PSG1: variants seen among roughly 807,000 people sequenced by gnomAD.
The protein encoded by PSG1 is pregnancy-specific beta-1-glycoprotein 1.
In PSG1, 60 loss-of-function variants were observed where a neutral mutation model predicts 41.4. The ratio of observed to expected loss-of-function variants is 1.45; its 90% CI spans 1.18 to 1.80. PSG1 has a LOEUF of 1.80. Ranked by LOEUF, PSG1 falls within the 40% of genes most tolerant of loss-of-function variation. The pLI is 0.00. For synonymous variants in PSG1, 256 were observed against 192.9 expected (o/e 1.33, Z -2.71); for missense variants, 806 against 516.9 (o/e 1.56, Z -5.42).
At position 42,868,994 on chromosome 19, in the gene PSG1, G is replaced by A. The variant is rs772244058; in HGVS notation, c.750C>T (p.Asn250=). 7 of 1,610,146 alleles carry A rather than the reference G, an allele frequency of 4.3e-6. No individual in the cohort carries two copies. The East Asian group carries it at 1.6e-4, about 36-fold the overall frequency. ...TTAAGACATCCTTATTCTCCCTGGGGTTTAAGTTGTTGATGGTGATGTAGG... is the reference window on the plus strand; with the variant it reads ...TTAAGACATCCTTATTCTCCCTGGGATTTAAGTTGTTGATGGTGATGTAGG... ...PKPYITINNL[N]PRENKDVLNF... Residue 250 remains asparagine, a synonymous_variant, in exon 4 of 6, where the codon AAC becomes AAT. Coordinates refer to ENST00000436291, the MANE Select transcript of PSG1 (RefSeq NM_001184825.2).
At position 42,877,915 on chromosome 19, in the gene PSG1, T is replaced by C. The variant is rs750665927; in HGVS notation, c.428A>G (p.His143Arg). The change falls in exon 2 of 6, where the codon CAC becomes CGC. Residue 143 changes from histidine to arginine, a missense_variant and splice_region_variant. By Grantham distance (29) the His-to-Arg change is conservative. Transcript: ENST00000436291. ...AGGGATCATGTGGAATCACTTACGG[T>C]GTAAGGTGAAGGTGAAACGTCCAGT... is the stretch of plus-strand genomic sequence containing the variant. ...GVTGRFTFTL[H>R]LETPKPSISS... 1.2e-6 allele frequency: 2 copies of C among 1,612,026 alleles called. No individual in the cohort carries two copies.
At chr19:42,874,020 C>G (rs1971501935) in intron 2 of PSG1, 1 of 151,612 alleles carries the variant, frequency 6.6e-6, no homozygotes, top group Non-Finnish European at 1.5e-5. Flanking sequence ...CATGAGGAAA[C>G]AGTTATAGGT....
At position 42,876,733 on chromosome 19, in the gene PSG1, T is replaced by C. The variant is rs930275019; in HGVS notation, c.430+1180A>G. On this transcript the variant is annotated intron_variant, in intron 2 of 5. Coordinates refer to ENST00000436291, the MANE Select transcript of PSG1 (RefSeq NM_001184825.2). ...AGGAGGCCTGGACATTTTTTTGCAC[T>C]GACTCTGATGGTTGAAGCAGGTGAT... The C allele has an allele frequency of 2.4e-5, 4 of 167,326 alleles. 1 individual carries two copies. The highest frequency in any genetic ancestry group is 9.6e-5 in the African/African-American group (4 of 41,468). The allele number at this position is 167,326 out of a possible 1,614,324, so 10.4% of individuals were successfully genotyped here.
chr19:42,867,727 T>C, intron 5 of PSG1: 1 of 854,144 alleles, frequency 1.2e-6, no homozygotes. Flanking sequence ...AGAAGTATAG[T>C]TTATTGAACT....
chr19:42,870,191 G>A (rs1971321797), intron 3 of PSG1: 2 of 151,786 alleles, frequency 1.3e-5, no homozygotes, highest in African/African-American at 4.8e-5. Context: ...CACAGATTGA[G>A]TATTTCTTAT....
At chr19:42,875,828 T>G (rs899257135) in intron 2 of PSG1, among the ~76,000 whole-genome samples, 1 of 146,938 alleles carries the variant, frequency 6.8e-6, no homozygotes, top group African/African-American at 2.5e-5. Context: ...TTATTTGTTT[T>G]TTTTTTTTTT....
rs143660412 is a variant in PSG1, at chr19:42,876,541, C to T, written c.430+1372G>A. 1.1e-3 allele frequency among the ~76,000 whole-genome samples: 171 copies of T among 151,334 alleles called. 7 individuals carry two copies. In the East Asian group the frequency reaches 0.029, roughly 26 times the overall value. On this transcript the variant is annotated intron_variant, in intron 2 of 5. Transcript: ENST00000436291. ...TTCTTCATTCCATTCCTTCATTTGT[C>T]ATGTGAGAGCTCCTGAGTGTGTGTC...
chr19:42,876,252 G>A (rs1372147724), intron 2 of PSG1, among the ~76,000 whole-genome samples: 2 of 151,460 alleles, frequency 1.3e-5, no homozygotes, highest in African/African-American at 2.4e-5. Context: ...CCATGGCAGT[G>A]AGCAGTGAGG....
rs111338477 is a variant in PSG1, at chr19:42,871,888, G to A, written c.588C>T (p.Ser196=). ...ATAGAAAGAGGGTCCTGTTGGTTTCGGACAGCTTCAAGCTGTGAGTCATAG... is the reference window on the plus strand; with the variant it reads ...ATAGAAAGAGGGTCCTGTTGGTTTCAGACAGCTTCAAGCTGTGAGTCATAG... ...SLPMTHSLKL[S]ETNRTLFLLG... Residue 196 remains serine (S), a synonymous_variant, in exon 3 of 6, where the codon TCC becomes TCT. Transcript: ENST00000436291. The A allele has an allele frequency of 4.6e-3, 7,353 of 1,612,288 alleles. 420 individuals are homozygous for A. The African/African-American group carries it at 0.083, about 18-fold the overall frequency.
Position 42,867,448 on chromosome 19 carries a change from A to G in PSG1, c.1244-298T>C, listed in dbSNP as rs142238117. 1,833 of 576,620 alleles carry G rather than the reference A, an allele frequency of 3.2e-3. 82 individuals carry two copies. The East Asian group carries it at 0.046, about 15-fold the overall frequency. The allele number at this position is 576,620 out of a possible 1,614,324, so 35.7% of individuals were successfully genotyped here. ...AGATTAAATCTTCACAAACCTCTTG[A>G]GAATAGGAAGCCAAACCAAGGCTGA... is the stretch of plus-strand genomic sequence containing the variant. On this transcript the variant is annotated intron_variant, in intron 5 of 5. Coordinates refer to ENST00000436291, the MANE Select transcript of PSG1 (RefSeq NM_001184825.2).
chr19:42,872,012 T>C lies in PSG1; in HGVS notation c.464A>G (p.Asn155Ser), dbSNP rs1971412994. 6.2e-7 allele frequency: 1 copy of C among 1,612,294 alleles called. No homozygotes were observed. The highest frequency in any genetic ancestry group is 1.7e-4 in the Middle Eastern group (1 of 6,056). The change falls in exon 3 of 6, where the codon AAC (asparagine) becomes AGC (serine). Residue 155 changes from asparagine (N) to serine (S), a missense_variant. Physicochemically the swap from Asn to Ser is conservative, Grantham distance 46 (BLOSUM62 1). Transcript: ENST00000436291. ...ETPKPSISSS[N>S]LNPRETMEAV... ...CTCCATGGTCTCCCTGGGATTTAAGTTGCTGCTGGAGATGGAGGGCTTAGG... is the reference window on the plus strand; with the variant it reads ...CTCCATGGTCTCCCTGGGATTTAAGCTGCTGCTGGAGATGGAGGGCTTAGG...
chr19:42,869,421 C>G (rs1025537813), intron 3 of PSG1: 2 of 301,038 alleles, frequency 6.6e-6, no homozygotes, highest in African/African-American at 2.1e-5. Flanking sequence ...CCTACTTTGT[C>G]CCCCTAGATG....
Position 42,878,020 on chromosome 19 carries a change from A to T in PSG1, c.323T>A (p.Leu108Gln). The change falls in exon 2 of 6, where the codon CTG (leucine) becomes CAG (glutamine). Residue 108 changes from leucine (L) to glutamine (Q), a missense_variant. By Grantham distance (113) the Leu-to-Gln change is moderately radical (BLOSUM62 -2). Coordinates refer to ENST00000436291, the MANE Select transcript of PSG1 (RefSeq NM_001184825.2). ...GTCCTCCCGGGTGACATTCTGGATC[A>T]GCAGGGATGCATTGGAATATGCTGT... ...RETAYSNASL[L>Q]IQNVTREDAG... The T allele has an allele frequency of 6.2e-7, 1 of 1,612,504 alleles. No homozygotes were observed. Among genetic ancestry groups the T allele is most frequent in the Non-Finnish European group, 8.5e-7 (1 of 1,179,212 alleles).
Position 42,875,643 on chromosome 19 carries a change from A to T in PSG1, c.430+2270T>A, listed in dbSNP as rs142519461. ...ATTCCATCACCAAACAATCAGCAGT[A>T]CTAATTTTTTAGTCCTGTGGCCCTG... On this transcript the variant is annotated intron_variant, in intron 2 of 5. Coordinates refer to ENST00000436291, the MANE Select transcript of PSG1 (RefSeq NM_001184825.2). 6.7e-3 allele frequency among the ~76,000 whole-genome samples: 1,017 copies of T among 151,476 alleles called. 25 individuals are homozygous for T. Among genetic ancestry groups the T allele is most frequent in the Non-Finnish European group, 0.011 (753 of 67,814 alleles).
intron 5 of PSG1, chr19:42,867,425 ATT>A: frequency 1.7e-6 from 1 of 577,196 alleles, no homozygotes; most frequent in Non-Finnish European, 3.1e-6. Flanking sequence ...GGAATCTGAG[ATT>A]AAATCTTCAC....
chr19:42,868,080 A>T, intron 5 of PSG1, 21 bp downstream of exon 5: 2 of 1,612,202 alleles, frequency 1.2e-6, no homozygotes, highest in Non-Finnish European at 1.7e-6. Flanking sequence ...CCTATTGCCA[A>T]CGATGCTGGG....
At chr19:42,874,289 C>T (rs1971514785) in intron 2 of PSG1, 1 of 151,578 alleles carries the variant, frequency 6.6e-6, no homozygotes, top group Admixed American at 6.6e-5. Flanking sequence ...GCTAGGTATT[C>T]TTTCCACAGC....
At position 42,870,320 on chromosome 19, in the gene PSG1, C is replaced by G. The variant is rs12460750; in HGVS notation, c.710-1286G>C. ...TGAAAGATTCAAAATCTAAAATGCT[C>G]CAGTGAGCATTTCTTTTCAGCATCA... On this transcript the variant is annotated intron_variant, in intron 3 of 5. Transcript: ENST00000436291. 2.7e-5 allele frequency: 4 copies of G among 150,450 alleles called. No individual in the cohort carries two copies. In the East Asian group the frequency reaches 6.0e-4, roughly 23 times the overall value. The allele number at this position is 150,450 out of a possible 1,614,324, so 9.3% of individuals were successfully genotyped here.
Position 42,867,125 on chromosome 19 carries a change from T to C in PSG1, c.*9A>G, listed in dbSNP as rs756910617. The C allele has an allele frequency of 1.3e-6, 1 of 771,912 alleles. No individual in the cohort carries two copies. The highest frequency in any genetic ancestry group is 2.4e-6 in the Non-Finnish European group (1 of 417,536). The allele number at this position is 771,912 out of a possible 1,614,324, so 47.8% of individuals were successfully genotyped here. A position where few individuals can be genotyped will look rare whatever the true frequency, so the allele number is the denominator to read the frequency against. On this transcript the variant is annotated 3_prime_UTR_variant, in exon 6 of 6. Coordinates refer to ENST00000436291, the MANE Select transcript of PSG1 (RefSeq NM_001184825.2). ...TGGGAGAAAATGGAATTGGAGGTAC[T>C]AGTAGAATTCAGGGAACTGTCCAGT...
Sources: gnomAD v4.1 joint callset for allele counts (sites outside exome capture counted in the v4.1 genomes callset) on GRCh38, gnomAD v4.1.1 for gene constraint, MANE v1.5 for transcripts, NCBI Gene and HGNC (gene_info 2026-07-23, HGNC 2026-07-21) for gene names.